Variants in RBFOX1 observed in about 807,000 individuals in gnomAD.
RBFOX1 encodes RNA binding fox-1 homolog 1, also known as RNA binding protein fox-1 homolog 1.
Under a neutral mutation model 57.7 loss-of-function variants are expected in RBFOX1, and 8 were observed. The ratio of observed to expected loss-of-function variants is 0.14; its 90% confidence interval spans 0.08 to 0.25. RBFOX1 has a LOEUF of 0.25. Among genes scored for constraint, RBFOX1 ranks in the 10% least tolerant of loss-of-function variants. RBFOX1 has a pLI of 1.00. For synonymous variants in RBFOX1, 326 were observed against 222.4 expected (o/e 1.47, Z -4.15); for missense variants, 611 against 548.5 (o/e 1.11, Z -1.14).
intron 5 of RBFOX1, among the ~76,000 whole-genome samples, chr16:7,536,086 C>T (rs890573310): frequency 1.3e-5 from 2 of 152,114 alleles, no homozygotes; most frequent in African/African-American, 2.4e-5. Flanking sequence ...CCACCAGGTT[C>T]GACATCCCAT....
intron 1 of RBFOX1, among the ~76,000 whole-genome samples, chr16:5,348,443 A>T (rs1198043405): frequency 5.3e-5 from 8 of 152,330 alleles, no homozygotes; most frequent in Non-Finnish European, 7.4e-5. Context: ...AGTCATATGA[A>T]GTAGGCACTA....
intron 2 of RBFOX1, among the ~76,000 whole-genome samples, chr16:6,623,281 G>A (rs944141486): frequency 3.3e-5 from 5 of 152,118 alleles, no homozygotes; most frequent in African/African-American, 9.7e-5. Context: ...GAATTTGAAA[G>A]GTGCAGTTGG....
intron 4 of RBFOX1, among the ~76,000 whole-genome samples, chr16:7,236,560 C>T (rs949143233): frequency 2.0e-5 from 3 of 152,158 alleles, no homozygotes; most frequent in African/African-American, 7.2e-5. Context: ...TAATTACTGT[C>T]AGATGAACTG....
chr16:7,403,691 C>G (rs913305104), intron 4 of RBFOX1, among the ~76,000 whole-genome samples: 1 of 151,040 alleles, frequency 6.6e-6, no homozygotes, highest in Non-Finnish European at 1.5e-5. Context: ...GGATTACAGG[C>G]ACCTGCCACT....
At chr16:7,670,345 T>C (rs1474384089) in intron 13 of RBFOX1, among the ~76,000 whole-genome samples, 1 of 152,176 alleles carries the variant, frequency 6.6e-6, no homozygotes, top group Admixed American at 6.5e-5. Context: ...AGGAAACTTT[T>C]TTTTCCAGAA....
intron 2 of RBFOX1, among the ~76,000 whole-genome samples, chr16:6,411,102 C>T (rs1250707729): frequency 6.6e-6 from 1 of 152,278 alleles, no homozygotes; most frequent in East Asian, 1.9e-4. Flanking sequence ...CTGGATGTCC[C>T]GCAATCATGG....
At chr16:5,757,476 C>T (rs1237552263) in intron 3 of RBFOX1, among the ~76,000 whole-genome samples, 1 of 151,958 alleles carries the variant, frequency 6.6e-6, no homozygotes, top group Non-Finnish European at 1.5e-5. Context: ...GTGATCTGCC[C>T]TCCTCAGCCT....
intron 1 of RBFOX1, among the ~76,000 whole-genome samples, chr16:6,306,084 C>T (rs935154084): frequency 2.0e-5 from 3 of 152,136 alleles, no homozygotes; most frequent in East Asian, 1.9e-4. Flanking sequence ...CTGTTGAGTG[C>T]AGAGTATTTG....
At chr16:6,538,863 C>T (rs896845097) in intron 2 of RBFOX1, among the ~76,000 whole-genome samples, 1 of 152,118 alleles carries the variant, frequency 6.6e-6, no homozygotes, top group African/African-American at 2.4e-5. Flanking sequence ...GCCAAACTTA[C>T]TATTTTAGAT....
At chr16:7,134,857 G>A (rs1314542511) in intron 4 of RBFOX1, among the ~76,000 whole-genome samples, 1 of 151,852 alleles carries the variant, frequency 6.6e-6, no homozygotes, top group Non-Finnish European at 1.5e-5. Flanking sequence ...ATGCACATAT[G>A]TCAGTGGACC....
intron 3 of RBFOX1, among the ~76,000 whole-genome samples, chr16:6,963,628 C>A (rs898267213): frequency 6.6e-6 from 1 of 152,100 alleles, no homozygotes; most frequent in Non-Finnish European, 1.5e-5. Flanking sequence ...GTAAAAAGAT[C>A]CAGGGGTGCC....
At chr16:7,453,201 G>A (rs566965024) in intron 4 of RBFOX1, among the ~76,000 whole-genome samples, 2 of 151,994 alleles carry the variant, frequency 1.3e-5, no homozygotes, top group Admixed American at 6.5e-5. Flanking sequence ...GCTTCCTGAA[G>A]GAACAGGTGC....
intron 4 of RBFOX1, among the ~76,000 whole-genome samples, chr16:5,997,341 T>C (rs1454703439): frequency 1.3e-5 from 2 of 152,224 alleles, no homozygotes; most frequent in Non-Finnish European, 2.9e-5. Context: ...TATTCTGTTG[T>C]CTAGGGCAAG....
At chr16:6,686,740 A>G (rs2059492124) in intron 3 of RBFOX1, among the ~76,000 whole-genome samples, 1 of 151,844 alleles carries the variant, frequency 6.6e-6, no homozygotes, top group Non-Finnish European at 1.5e-5. Flanking sequence ...TCAGGCCATA[A>G]CTCTTTCCTT....
intron 4 of RBFOX1, among the ~76,000 whole-genome samples, chr16:7,083,987 C>G (rs1269461002): frequency 1.3e-5 from 2 of 152,102 alleles, no homozygotes; most frequent in African/African-American, 2.4e-5. Flanking sequence ...CGCTCACAGT[C>G]TTGATACCCT....
intron 4 of RBFOX1, among the ~76,000 whole-genome samples, chr16:7,441,492 A>G (rs1409353199): frequency 6.6e-6 from 1 of 152,180 alleles, no homozygotes; most frequent in Non-Finnish European, 1.5e-5. Flanking sequence ...GGGTAGTGGT[A>G]AAAACTAAAA....
intron 3 of RBFOX1, among the ~76,000 whole-genome samples, chr16:6,900,846 C>A (rs993429854): frequency 6.6e-6 from 1 of 152,158 alleles, no homozygotes; most frequent in Non-Finnish European, 1.5e-5. Flanking sequence ...GAGTGTTTGT[C>A]TTTGTGTGAG....
chr16:6,565,317 C>A (rs1037186784), intron 2 of RBFOX1, among the ~76,000 whole-genome samples: 6 of 151,506 alleles, frequency 4.0e-5, no homozygotes, highest in East Asian at 3.9e-4. Flanking sequence ...AGCTCAGTGG[C>A]GCGATCTTGG....
intron 3 of RBFOX1, among the ~76,000 whole-genome samples, chr16:6,885,441 A>G (rs897775285): frequency 6.6e-6 from 1 of 152,186 alleles, no homozygotes; most frequent in Non-Finnish European, 1.5e-5. Flanking sequence ...GTTCTATAGT[A>G]CCTTTCAGTA....
Sources: allele counts gnomAD v4.1 joint callset (sites outside exome capture counted in the v4.1 genomes callset), GRCh38; gene constraint gnomAD v4.1.1; transcripts MANE v1.5; gene names NCBI Gene and HGNC (gene_info 2026-07-23, HGNC 2026-07-21).